The following FRMPD4 variants were observed in gnomAD, a reference collection of about 807,000 sequenced individuals.
The protein encoded by FRMPD4 is FERM and PDZ domain-containing protein 4.
In FRMPD4, 22 loss-of-function variants were observed where a neutral mutation model predicts 94.1. The observed-to-expected ratio is 0.23, with a 90% CI of 0.17 to 0.33. FRMPD4 has a LOEUF of 0.33. FRMPD4 is among the 10% of genes least tolerant of loss of function. FRMPD4 has a pLI of 1.00. For missense variants in FRMPD4, 1,111 were observed against 1,339.9 expected (o/e 0.83, Z 2.67); for synonymous variants, 631 against 548.6 (o/e 1.15, Z -2.10).
intron 1 of FRMPD4, among the ~76,000 whole-genome samples, chrX:12,483,216 A>G (rs1273839150): frequency 8.9e-6 from 1 of 112,136 alleles, no homozygotes. Flanking sequence ...AGATGTCTAC[A>G]GACAACGAAG....
intron 1 of FRMPD4, among the ~76,000 whole-genome samples, chrX:12,466,509 G>T (rs1440119022): frequency 1.8e-5 from 2 of 112,243 alleles, no homozygotes; most frequent in African/African-American, 3.2e-5. Context: ...TTTTCTTTTT[G>T]ATTTCTGTCT....
chrX:12,325,040 ACAAATTAAAATGTGC>A (rs1405739883), intron 1 of FRMPD4, among the ~76,000 whole-genome samples: 87 of 112,514 alleles, frequency 7.7e-4, no homozygotes, highest in African/African-American at 2.5e-3. Context: ...CACCCAAAAT[ACAAATTAAAATGTGC>A]CAAAGAGGAA....
intron 1 of FRMPD4, among the ~76,000 whole-genome samples, chrX:12,455,611 T>C (rs1442034694): frequency 8.9e-6 from 1 of 111,835 alleles, no homozygotes; most frequent in African/African-American, 3.2e-5. Context: ...ATATAGTAAT[T>C]GCAGTTACAG....
Position 12,230,384 on chromosome X carries a change from C to A in FRMPD4, c.41+91372C>A, listed in dbSNP as rs138349256. Among the ~76,000 whole-genome samples, 842 of 111,360 alleles carry A rather than the reference C, an allele frequency of 7.6e-3. 13 individuals are homozygous for A. Among genetic ancestry groups the A allele is most frequent in the African/African-American group, 0.026 (785 of 30,591 alleles). On this transcript the variant is annotated intron_variant, in intron 1 of 16. Transcript: ENST00000675598. ...GAGCTGGACACTGGCAAACTGAGAC[C>A]AAATTGATAGAGACTGCCTTTGGGC...
chrX:11,917,244 A>T (rs951711329), intron 3 of FRMPD4, among the ~76,000 whole-genome samples: 1 of 112,259 alleles, frequency 8.9e-6, no homozygotes, highest in African/African-American at 3.2e-5. Context: ...AAAATAACAG[A>T]TATTGATGAG....
intron 2 of FRMPD4, among the ~76,000 whole-genome samples, chrX:12,561,035 C>T (rs913835645): frequency 1.8e-5 from 2 of 109,753 alleles, no homozygotes; most frequent in African/African-American, 6.6e-5. Flanking sequence ...TCCCAAAGTG[C>T]TGGGATTACA....
In FRMPD4 at chrX:11,925,743, C is replaced by G. The variant is rs1015465007; in HGVS notation, c.95+47725C>G. Among the ~76,000 whole-genome samples the G allele has an allele frequency of 4.5e-5, 5 of 111,847 alleles. No homozygotes were observed. In the East Asian group the frequency reaches 1.1e-3, roughly 25 times the overall value. On this transcript the variant is annotated intron_variant, in intron 3 of 18. Coordinates refer to the FRMPD4 transcript ENST00000640291. ...ACAACATACCAGAATCTCTGGGACA[C>G]AGCTAAGACAGAGTTAGGAGGGAAA... is the stretch of plus-strand genomic sequence containing the variant.
At chrX:12,550,604 A>T (rs2058524567) in intron 2 of FRMPD4, among the ~76,000 whole-genome samples, 1 of 111,370 alleles carries the variant, frequency 9.0e-6, no homozygotes, top group Admixed American at 9.6e-5. Context: ...TTTCCAACCC[A>T]TTTATTAAAG....
In FRMPD4 at chrX:12,402,256, C is replaced by G. The variant is rs755898322; in HGVS notation, c.42-96424C>G. On this transcript the variant is annotated intron_variant, in intron 1 of 16. Coordinates refer to ENST00000675598, the MANE Select transcript of FRMPD4 (RefSeq NM_001368397.1). ...GTTATAACCTTCTGCGCCACCCCCCCCACAAAAGCAGACAGAGTGATCAGG... is the reference window on the plus strand; with the variant it reads ...GTTATAACCTTCTGCGCCACCCCCCGCACAAAAGCAGACAGAGTGATCAGG... Among the ~76,000 whole-genome samples, 64 of 111,210 alleles carry G rather than the reference C, an allele frequency of 5.8e-4. 1 individual carries two copies. The highest frequency in any genetic ancestry group is 2.0e-3 in the African/African-American group (62 of 30,572).
At chrX:11,828,939 G>C (rs1033293485) in intron 1 of FRMPD4, among the ~76,000 whole-genome samples, 12 of 112,080 alleles carry the variant, frequency 1.1e-4, no homozygotes. Context: ...TCTAATCTGA[G>C]AGCGAGCAGG....
At chrX:11,827,062 TTATA>T (rs796566750) in intron 1 of FRMPD4, among the ~76,000 whole-genome samples, 8 of 80,576 alleles carry the variant, frequency 9.9e-5, no homozygotes, top group African/African-American at 1.9e-4. Context: ...TAGATGGAAA[TTATA>T]TATATATATA....
chrX:12,351,306 A>T (rs2055807643), intron 1 of FRMPD4, among the ~76,000 whole-genome samples: 1 of 111,036 alleles, frequency 9.0e-6, no homozygotes, highest in African/African-American at 3.3e-5. Flanking sequence ...TTATTGCACC[A>T]TTGGCACAGC....
In FRMPD4 at chrX:11,921,373, T is replaced by C. The variant is rs542806243; in HGVS notation, c.95+43355T>C. On this transcript the variant is annotated intron_variant, in intron 3 of 18. Coordinates refer to the FRMPD4 transcript ENST00000640291. ...TCTTCTTATAAGGACACCAGTCCTATTGGATTAGGGTCCCACCCTTATGTC... is the reference window on the plus strand; with the variant it reads ...TCTTCTTATAAGGACACCAGTCCTACTGGATTAGGGTCCCACCCTTATGTC... Among the ~76,000 whole-genome samples, 28 of 111,641 alleles carry C rather than the reference T, an allele frequency of 2.5e-4. No homozygotes were observed. In the South Asian group the frequency reaches 0.01, roughly 40 times the overall value.
chrX:12,667,034 G>C (rs150521527), intron 4 of FRMPD4, among the ~76,000 whole-genome samples: 1 of 112,534 alleles, frequency 8.9e-6, no homozygotes, highest in Non-Finnish European at 1.9e-5. Context: ...ACTATGAAGT[G>C]AGAGTTCAAC....
chrX:12,120,816 G>T (rs945538942), intron 3 of FRMPD4, among the ~76,000 whole-genome samples: 1 of 110,806 alleles, frequency 9.0e-6, no homozygotes, highest in African/African-American at 3.3e-5. Flanking sequence ...ACAGACATTT[G>T]CTATCAAAAG....
At position 12,717,706 on chromosome X, in the gene FRMPD4, T is replaced by G. The variant is rs765189122; in HGVS notation, c.2880T>G (p.Ala960=). ...AGTTCCCGGCCTCCAAGACCCCCGCTGGGGGCTTGCCTCCAAAGTCCTCGC... is the reference window on the plus strand; with the variant it reads ...AGTTCCCGGCCTCCAAGACCCCCGCGGGGGGCTTGCCTCCAAAGTCCTCGC... The part of the protein sequence containing the change: ...QTEFPASKTP[A]GGLPPKSSHA... Residue 960 remains alanine (A), a synonymous_variant, in exon 16 of 17, where the codon GCT becomes GCG. Coordinates refer to ENST00000675598, the MANE Select transcript of FRMPD4 (RefSeq NM_001368397.1). The G allele has an allele frequency of 4.1e-6, 5 of 1,209,002 alleles. No individual in the cohort carries two copies. The South Asian group carries it at 8.8e-5, about 21-fold the overall frequency.
In FRMPD4 at chrX:12,276,897, G is replaced by A. The variant is rs995426341; in HGVS notation, c.41+137885G>A. Among the ~76,000 whole-genome samples, 8 of 110,409 alleles carry A rather than the reference G, an allele frequency of 7.2e-5. No individual in the cohort carries two copies. The East Asian group carries it at 8.5e-4, about 12-fold the overall frequency. ...AGCACTTTGGGAGGCCGAGGCGGGC[G>A]GATCACGAGGTCAGGAGATCGAGAC... On this transcript the variant is annotated intron_variant, in intron 1 of 16. Transcript: ENST00000675598.
chrX:12,321,274 G>C (rs1268545027), intron 1 of FRMPD4, among the ~76,000 whole-genome samples: 1 of 112,119 alleles, frequency 8.9e-6, no homozygotes, highest in African/African-American at 3.2e-5. Context: ...ACCTGATAAA[G>C]AAGTGGATTG....
chrX:12,030,408 C>CT (rs911745068), intron 3 of FRMPD4, among the ~76,000 whole-genome samples: 24 of 111,587 alleles, frequency 2.2e-4, no homozygotes, highest in South Asian at 3.8e-4. Flanking sequence ...CTTCTAATAG[C>CT]TTTTTTTTGT....
Sources: gnomAD v4.1 joint callset for allele counts (sites outside exome capture counted in the v4.1 genomes callset) on GRCh38, gnomAD v4.1.1 for gene constraint, MANE v1.5 for transcripts, NCBI Gene and HGNC (gene_info 2026-07-23, HGNC 2026-07-21) for gene names.